The following HPSE2 variants were observed in gnomAD, a reference collection of about 807,000 sequenced individuals.
The protein encoded by HPSE2 is inactive heparanase-2.
In HPSE2, 38 loss-of-function variants were observed where a neutral mutation model predicts 60.5. The ratio of observed to expected loss-of-function variants is 0.63; its 90% CI spans 0.48 to 0.82. The LOEUF (loss-of-function observed/expected upper bound fraction) is 0.82. Among genes scored for constraint, HPSE2 ranks in the 40% least tolerant of loss-of-function variants. The pLI is 0.00. For synonymous variants in HPSE2, 295 were observed against 293.2 expected, an observed-to-expected ratio of 1.01 and a Z score of -0.06; for missense variants, 713 against 740.4, an observed-to-expected ratio of 0.96 and a Z score of 0.43.
chr10:98,900,865 G>A (rs1953647602), intron 3 of HPSE2, among the ~76,000 whole-genome samples: 1 of 151,988 alleles, frequency 6.6e-6, no homozygotes, highest in South Asian at 2.1e-4. Flanking sequence ...TTACTGAAGA[G>A]AAACAAACAC....
chr10:99,307,184 AAC>A, the HPSE2 span, among the ~76,000 whole-genome samples: 1 of 152,198 alleles, frequency 6.6e-6, no homozygotes, highest in Non-Finnish European at 1.5e-5. Flanking sequence ...TTTGAAATTT[AAC>A]AGACCTACAT....
intron 9 of HPSE2, among the ~76,000 whole-genome samples, chr10:98,604,059 T>C (rs1945508890): frequency 6.6e-6 from 1 of 152,186 alleles, no homozygotes; most frequent in Non-Finnish European, 1.5e-5. Context: ...TAAAGGCTTA[T>C]TTACAATTGT....
intron 2 of HPSE2, among the ~76,000 whole-genome samples, chr10:99,175,384 G>T (rs1199674965): frequency 1.3e-5 from 2 of 152,270 alleles, no homozygotes; most frequent in African/African-American, 4.8e-5. Flanking sequence ...TGAAATTCTC[G>T]CTGCCAGCAC....
chr10:98,645,772 A>T (rs2134046809), intron 6 of HPSE2, among the ~76,000 whole-genome samples: 1 of 152,070 alleles, frequency 6.6e-6, no homozygotes, highest in African/African-American at 2.4e-5. Context: ...AGGTCAGGAG[A>T]TCAAGACCAT....
At chr10:98,783,105 C>A (rs1475027427) in intron 3 of HPSE2, among the ~76,000 whole-genome samples, 1 of 55,288 alleles carries the variant, frequency 1.8e-5, no homozygotes. Flanking sequence ...CCGACCCCAC[C>A]ACAGTCCCCA....
At chr10:99,060,903 T>C (rs1164729473) in intron 3 of HPSE2, among the ~76,000 whole-genome samples, 1 of 152,062 alleles carries the variant, frequency 6.6e-6, no homozygotes, top group Non-Finnish European at 1.5e-5. Flanking sequence ...AACAAATGAA[T>C]TCATGGAGAT....
intron 5 of HPSE2, among the ~76,000 whole-genome samples, chr10:98,714,461 T>C (rs1375777548): frequency 3.3e-5 from 5 of 151,956 alleles, no homozygotes; most frequent in Admixed American, 6.6e-5. Flanking sequence ...ATACAATGTA[T>C]GGCCTTTTGT....
chr10:98,888,123 G>T (rs1034274069), intron 3 of HPSE2, among the ~76,000 whole-genome samples: 1 of 128,154 alleles, frequency 7.8e-6, no homozygotes. Flanking sequence ...AAAAGGGATA[G>T]GTTTTAAAAC....
At chr10:99,242,476 G>A in the HPSE2 span, among the ~76,000 whole-genome samples, 1 of 152,126 alleles carries the variant, frequency 6.6e-6, no homozygotes, top group African/African-American at 2.4e-5. Flanking sequence ...AGTTCAGTTT[G>A]AAACCCCTTA....
At chr10:98,477,609 T>G (rs1417643707) in intron 11 of HPSE2, among the ~76,000 whole-genome samples, 1 of 152,170 alleles carries the variant, frequency 6.6e-6, no homozygotes, top group Non-Finnish European at 1.5e-5. Flanking sequence ...TAACACCTGT[T>G]TTTGGTTTGC....
At chr10:99,306,575 A>G in the HPSE2 span, among the ~76,000 whole-genome samples, 1 of 152,192 alleles carries the variant, frequency 6.6e-6, no homozygotes, top group African/African-American at 2.4e-5. Context: ...TAGTCCCAAC[A>G]TATGAATGAA....
chr10:98,844,853 T>A (rs1050360090), intron 3 of HPSE2, among the ~76,000 whole-genome samples: 14 of 152,312 alleles, frequency 9.2e-5, no homozygotes, highest in African/African-American at 3.1e-4. Context: ...AGTAGTGACA[T>A]TCATTGAGAA....
At chr10:98,739,200 T>C (rs1396393431) in intron 4 of HPSE2, among the ~76,000 whole-genome samples, 1 of 152,142 alleles carries the variant, frequency 6.6e-6, no homozygotes, top group East Asian at 1.9e-4. Context: ...GAAACCATCA[T>C]TCTCAGCAAA....
rs115012899 is a variant in HPSE2, at chr10:98,613,620, T to G, written c.1320+1284A>C. ...GGCAGAGAGAGGCAAGTGGTAGGAA[T>G]GCTCACTGGTTCCAGTTTGGGTTTG... On this transcript the variant is annotated intron_variant, in intron 9 of 11. Transcript: ENST00000370552. Among the ~76,000 whole-genome samples the G allele has an allele frequency of 3.4e-3, 518 of 152,298 alleles. 1 individual carries two copies. The highest frequency in any genetic ancestry group is 0.012 in the African/African-American group (489 of 41,560).
At chr10:99,087,478 G>A (rs1843362686) in intron 3 of HPSE2, among the ~76,000 whole-genome samples, 1 of 152,224 alleles carries the variant, frequency 6.6e-6, no homozygotes, top group African/African-American at 2.4e-5. Context: ...ATGGTCCTCT[G>A]CATATTCCTA....
intron 9 of HPSE2, among the ~76,000 whole-genome samples, chr10:98,572,878 T>G (rs932917962): frequency 6.6e-6 from 1 of 152,178 alleles, no homozygotes; most frequent in Non-Finnish European, 1.5e-5. Context: ...AAGAGAGTAT[T>G]TCTACTGACG....
intron 3 of HPSE2, among the ~76,000 whole-genome samples, chr10:98,806,805 C>G (rs1307119619): frequency 6.6e-6 from 1 of 152,060 alleles, no homozygotes; most frequent in South Asian, 2.1e-4. Context: ...TTTTTTTTAA[C>G]TTTTAATTAC....
intron 3 of HPSE2, among the ~76,000 whole-genome samples, chr10:98,812,060 A>AT (rs1464437886): frequency 6.6e-6 from 1 of 152,018 alleles, no homozygotes; most frequent in Non-Finnish European, 1.5e-5. Flanking sequence ...ATTTTTGTAG[A>AT]TTTTTTGAAG....
chr10:98,471,177 A>G (rs1477367882), intron 11 of HPSE2, among the ~76,000 whole-genome samples: 1 of 152,256 alleles, frequency 6.6e-6, no homozygotes, highest in African/African-American at 2.4e-5. Context: ...TAATCTGGGA[A>G]AAATCGAAGA....
Sources: gnomAD v4.1 joint callset for allele counts (sites outside exome capture counted in the v4.1 genomes callset) on GRCh38, gnomAD v4.1.1 for gene constraint, MANE v1.5 for transcripts, NCBI Gene and HGNC (gene_info 2026-07-23, HGNC 2026-07-21) for gene names.